Variants in SPNS3 observed in about 807,000 individuals in gnomAD.
SPNS3 encodes protein spinster homolog 3.
Under a neutral mutation model 54.4 loss-of-function variants are expected in SPNS3, and 51 were observed. The ratio of observed to expected loss-of-function variants is 0.94; its 90% CI spans 0.75 to 1.18. The LOEUF (loss-of-function observed/expected upper bound fraction) is 1.18, where lower values mean the gene tolerates loss of function less well. Ranked by LOEUF, SPNS3 falls within the 50% of genes most tolerant of loss-of-function variation. The pLI is 0.00. For missense variants in SPNS3, 669 were observed against 677.4 expected (o/e 0.99, Z 0.14); for synonymous variants, 309 against 294.7 (o/e 1.05, Z -0.50).
intron 9 of SPNS3, chr17:4,482,268 G>T (rs927531961): frequency 1.3e-5 from 2 of 152,210 alleles, no homozygotes; most frequent in Non-Finnish European, 2.9e-5. Context: ...GGGCTCTCCG[G>T]TCCGGTGGCT....
chr17:4,488,041 C>G lies in SPNS3; in HGVS notation c.*147C>G. The G allele has an allele frequency of 1.4e-6, 1 of 702,192 alleles. No individual in the cohort carries two copies. Among genetic ancestry groups the G allele is most frequent in the Non-Finnish European group, 2.4e-6 (1 of 412,146 alleles). 43.5% of individuals were successfully genotyped at this position (702,192 alleles called of 1,614,324 possible). A position where few individuals can be genotyped will look rare whatever the true frequency, so the allele number is the denominator to read the frequency against. On this transcript the variant is annotated 3_prime_UTR_variant, in exon 12 of 12. Transcript: ENST00000355530. The stretch of plus-strand genomic sequence containing the variant: ...TCCCGGCTGGAGAGCTGGCAGGACC[C>G]TGTGGCTGGGCTGGGAATGGAGCTG...
intron 8 of SPNS3, among the ~76,000 whole-genome samples, chr17:4,470,195 G>A (rs181858547): frequency 5.3e-4 from 80 of 152,236 alleles, no homozygotes; most frequent in South Asian, 3.3e-3. Flanking sequence ...TTGGGAGGCC[G>A]AGGTGGGCGG....
chr17:4,476,569 GGT>G (rs1307016553), intron 8 of SPNS3, among the ~76,000 whole-genome samples: 2 of 152,140 alleles, frequency 1.3e-5, no homozygotes, highest in East Asian at 1.9e-4. Flanking sequence ...GAGGGAGATG[GGT>G]GTGAGTCGGG....
intron 8 of SPNS3, among the ~76,000 whole-genome samples, chr17:4,466,420 A>AT (rs1971677345): frequency 6.7e-6 from 1 of 149,620 alleles, no homozygotes; most frequent in Non-Finnish European, 1.5e-5. Flanking sequence ...CGTGCCTGTA[A>AT]TCCCACCTAT....
At chr17:4,467,394 C>T (rs1024324192) in intron 8 of SPNS3, among the ~76,000 whole-genome samples, 4 of 152,124 alleles carry the variant, frequency 2.6e-5, no homozygotes, top group African/African-American at 9.7e-5. Flanking sequence ...GGTTCCTCTG[C>T]TGGTTTGCCT....
chr17:4,468,751 T>TTCTTTCTTTCTTTCTTTCTTTCTC (rs1555531891), intron 8 of SPNS3, among the ~76,000 whole-genome samples: 13 of 143,516 alleles, frequency 9.1e-5, no homozygotes, highest in Non-Finnish European at 1.8e-4. Flanking sequence ...CTTTCTTTCT[T>TTCTTTCTTTCTTTCTTTCTTTCTC]TCTTTCTTTC....
chr17:4,469,265 T>G (rs1379783260), intron 8 of SPNS3, among the ~76,000 whole-genome samples: 1 of 152,054 alleles, frequency 6.6e-6, no homozygotes, highest in Non-Finnish European at 1.5e-5. Context: ...TCTGTATTTT[T>G]TTGTAGAGAC....
intron 8 of SPNS3, among the ~76,000 whole-genome samples, chr17:4,470,301 C>T (rs759213605): frequency 1.8e-4 from 28 of 151,878 alleles, no homozygotes; most frequent in Non-Finnish European, 3.5e-4. Flanking sequence ...TGGTGGTGGG[C>T]GCCTGTAATC....
intron 8 of SPNS3, among the ~76,000 whole-genome samples, chr17:4,461,459 C>G (rs926010020): frequency 4.1e-5 from 6 of 146,528 alleles, no homozygotes; most frequent in Non-Finnish European, 7.5e-5. Context: ...TCAGCCTCCC[C>G]AGGCATTAGG....
chr17:4,466,269 C>T (rs944004653), intron 8 of SPNS3, among the ~76,000 whole-genome samples: 12 of 152,206 alleles, frequency 7.9e-5, no homozygotes, highest in Non-Finnish European at 1.2e-4. Flanking sequence ...AGGCCAGGCA[C>T]GGTAGCTCAT....
intron 8 of SPNS3, among the ~76,000 whole-genome samples, chr17:4,467,658 T>A (rs1225557047): frequency 3.9e-5 from 6 of 152,208 alleles, no homozygotes; most frequent in Admixed American, 3.9e-4. Flanking sequence ...CCTGATTTAT[T>A]TAATTTAATT....
chr17:4,461,549 G>C (rs1432803491), intron 8 of SPNS3, among the ~76,000 whole-genome samples: 1 of 151,668 alleles, frequency 6.6e-6, no homozygotes, highest in Non-Finnish European at 1.5e-5. Context: ...AATAGACCTG[G>C]GGGCAAGGGC....
chr17:4,435,573 C>T (rs1017552097), intron 1 of SPNS3, among the ~76,000 whole-genome samples: 2 of 151,972 alleles, frequency 1.3e-5, no homozygotes, highest in African/African-American at 4.8e-5. Flanking sequence ...GCAGGACTTC[C>T]AGGCAGAGGC....
intron 7 of SPNS3, among the ~76,000 whole-genome samples, chr17:4,450,168 C>G (rs760008035): frequency 1.8e-4 from 28 of 151,996 alleles, no homozygotes; most frequent in Non-Finnish European, 4.1e-4. Flanking sequence ...ATCTTCTTCC[C>G]TGGAGCTCCA....
intron 1 of SPNS3, among the ~76,000 whole-genome samples, chr17:4,435,803 ACG>A (rs1567550725): frequency 7.3e-5 from 11 of 151,286 alleles, no homozygotes; most frequent in Admixed American, 2.0e-4. Context: ...GTGGTGGCTC[ACG>A]CCTGTAATCC....
In SPNS3 at chr17:4,483,227, G is replaced by A. The variant is rs1295289828; in HGVS notation, c.1180-3001G>A. ...TCCGACTTGCTGCAAGCCCTTGGGT[G>A]GCCCTGGTTTCGCCCTCGGCTATAA... On this transcript the variant is annotated intron_variant, in intron 9 of 11. Coordinates refer to ENST00000355530, the MANE Select transcript of SPNS3 (RefSeq NM_182538.5). The surrounding 1 kb of genome is among the most constrained non-coding windows in gnomAD (Gnocchi z 4.2). Among the ~76,000 whole-genome samples, 1 of 152,212 alleles carries A rather than the reference G, an allele frequency of 6.6e-6. No individual in the cohort carries two copies. The highest frequency in any genetic ancestry group is 1.5e-5 in the Non-Finnish European group (1 of 68,030).
chr17:4,482,914 G>A (rs1055082645), intron 9 of SPNS3, among the ~76,000 whole-genome samples: 2 of 152,168 alleles, frequency 1.3e-5, no homozygotes, highest in Non-Finnish European at 2.9e-5. Flanking sequence ...CCAACCAGTT[G>A]GGGGGCTAGA....
At chr17:4,451,155 A>G (rs992503515) in intron 7 of SPNS3, among the ~76,000 whole-genome samples, 1 of 152,040 alleles carries the variant, frequency 6.6e-6, no homozygotes. Flanking sequence ...GCTAGCATAC[A>G]TCCGGGATTT....
rs143385986 is a variant in SPNS3 at position 4,452,022 on chromosome 17, A to T, written c.924-994A>T. Among the ~76,000 whole-genome samples the T allele has an allele frequency of 5.8e-3, 883 of 151,984 alleles. 2 individuals carry two copies. The highest frequency in any genetic ancestry group is 0.01 in the Non-Finnish European group (682 of 67,950). On this transcript the variant is annotated intron_variant, in intron 7 of 11. Coordinates refer to ENST00000355530, the MANE Select transcript of SPNS3 (RefSeq NM_182538.5). ...AAGGGGGCTGGAGGTTGCACAATGG[A>T]CCAGGAGGGTGAAGAAGTATATTCA...
Sources: gnomAD v4.1 joint callset for allele counts (sites outside exome capture counted in the v4.1 genomes callset) on GRCh38, gnomAD v4.1.1 for gene constraint, Gnocchi (gnomAD v3.1) non-coding constraint, MANE v1.5 for transcripts, NCBI Gene and HGNC (gene_info 2026-07-23, HGNC 2026-07-21) for gene names.